The following HMCN1 variants were observed in gnomAD, a reference collection of about 807,000 sequenced individuals.
The protein encoded by HMCN1 is hemicentin-1.
Under a neutral mutation model 625.9 loss-of-function variants are expected in HMCN1, and 321 were observed. The observed-to-expected ratio is 0.51, with a 90% CI of 0.47 to 0.56. HMCN1 has a LOEUF of 0.56. HMCN1 is among the 20% of genes least tolerant of loss of function. HMCN1 has a pLI of 0.00. For missense variants in HMCN1, 6,588 were observed against 6,887.3 expected (o/e 0.96, Z 1.54); for synonymous variants, 2,425 against 2,417.6 (o/e 1.00, Z -0.09).
rs770643584 is a variant in HMCN1 at position 185,977,895 on chromosome 1, G to A, written c.2480G>A (p.Arg827Gln). 8.7e-6 allele frequency: 14 copies of A among 1,613,196 alleles called. No homozygotes were observed. Among genetic ancestry groups the A allele is most frequent in the Middle Eastern group, 3.3e-4 (2 of 6,078 alleles). ...QGYPEPTIKW[R>Q]RLDNMPIFSR... ...TATCCAGAACCAACAATCAAATGGC[G>A]AAGATTAGACAACATGCCAATTTTC... The change falls in exon 16 of 107, where the codon CGA becomes CAA. Residue 827 changes from arginine to glutamine, a missense_variant. Around this residue, in one of 3 missense-constraint regions of HMCN1, gnomAD observed 4,628 missense variants for 4,853.1 expected, o/e 0.95. Transcript: ENST00000271588.
intron 13 of HMCN1, among the ~76,000 whole-genome samples, chr1:185,964,729 G>T (rs1347514425): frequency 6.6e-6 from 1 of 152,066 alleles, no homozygotes; most frequent in African/African-American, 2.4e-5. Flanking sequence ...GACTAATTCA[G>T]ACGGAGGAAT....
chr1:186,032,038 C>CA lies in HMCN1; in HGVS notation c.5750-5886dup, dbSNP rs769373105. Among the ~76,000 whole-genome samples the CA allele has an allele frequency of 6.9e-3, 936 of 135,174 alleles. 8 individuals are homozygous for CA. The highest frequency in any genetic ancestry group is 0.018 in the African/African-American group (647 of 36,750). The allele number at this position is 135,174 out of a possible 152,430, so 88.7% of individuals were successfully genotyped here. A position where few individuals can be genotyped will look rare whatever the true frequency, so the allele number is the denominator to read the frequency against. On this transcript the variant is annotated intron_variant, in intron 36 of 106. Transcript: ENST00000271588. ...ATATAAAATTATATAGTATTTGTTACAAAAAAAAAACAAAAATAAATAAAT... is the reference window on the plus strand; with the variant it reads ...ATATAAAATTATATAGTATTTGTTACAAAAAAAAAAACAAAAATAAATAAAT...
intron 64 of HMCN1, 70 bp from the exon 65 acceptor site, chr1:186,093,064 T>C: frequency 6.3e-6 from 10 of 1,599,156 alleles, no homozygotes; most frequent in Non-Finnish European, 7.7e-6. Context: ...CTGATTTTAA[T>C]AGGCTTTCAT....
At chr1:185,865,195 CA>C (rs1278818753) in intron 3 of HMCN1, among the ~76,000 whole-genome samples, 1 of 152,120 alleles carries the variant, frequency 6.6e-6, no homozygotes, top group Non-Finnish European at 1.5e-5. Context: ...TTTTTGAGAC[CA>C]GTAAGTTGGT....
intron 1 of HMCN1, among the ~76,000 whole-genome samples, chr1:185,760,062 G>C (rs573718559): frequency 6.6e-6 from 1 of 152,252 alleles, no homozygotes; most frequent in South Asian, 2.1e-4. Context: ...GTCATGTTTT[G>C]GGGTATGATA....
chr1:186,082,270 G>A (rs1487382147), intron 56 of HMCN1, among the ~76,000 whole-genome samples: 1 of 152,148 alleles, frequency 6.6e-6, no homozygotes, highest in Non-Finnish European at 1.5e-5. Context: ...GAAACAGTAA[G>A]CATTTATTTA....
intron 36 of HMCN1, among the ~76,000 whole-genome samples, chr1:186,035,313 C>T (rs1016828158): frequency 2.6e-5 from 4 of 152,004 alleles, no homozygotes; most frequent in Non-Finnish European, 5.9e-5. Context: ...AGGAACAACT[C>T]CCAGGACAAA....
intron 1 of HMCN1, among the ~76,000 whole-genome samples, chr1:185,768,301 C>T (rs1656001532): frequency 6.6e-6 from 1 of 152,010 alleles, no homozygotes; most frequent in Non-Finnish European, 1.5e-5. Flanking sequence ...TATCTTTTTC[C>T]TCCTCTGTGT....
intron 2 of HMCN1, among the ~76,000 whole-genome samples, chr1:185,846,754 G>A (rs1029685720): frequency 3.3e-5 from 5 of 152,064 alleles, no homozygotes; most frequent in East Asian, 3.9e-4. Context: ...TTTGGCGATC[G>A]GTACCTGCCT....
chr1:185,906,430 C>T (rs981280168), intron 4 of HMCN1, among the ~76,000 whole-genome samples: 13 of 151,756 alleles, frequency 8.6e-5, no homozygotes, highest in African/African-American at 3.1e-4. Flanking sequence ...TAAACCAAAG[C>T]CCACTTATAT....
chr1:186,086,165 C>T (rs1295805546), intron 57 of HMCN1, 81 bp from the exon 58 acceptor site: 2 of 1,256,768 alleles, frequency 1.6e-6, no homozygotes, highest in Non-Finnish European at 2.3e-6. Flanking sequence ...TAGCAGAGTA[C>T]AGTGGTTGGA....
At chr1:185,919,087 A>G (rs1458092446) in intron 6 of HMCN1, among the ~76,000 whole-genome samples, 1 of 151,280 alleles carries the variant, frequency 6.6e-6, no homozygotes, top group East Asian at 1.9e-4. Flanking sequence ...ATATATATAT[A>G]TATAATTTTA....
rs1273911886 is a variant in HMCN1 at position 186,086,799 on chromosome 1, AGATAGATAGATAGAT to A, written c.9047-402_9047-388del. ...GTAGATAGATAGATAGATAGATGAT[AGATAGATAGATAGAT>A]GATAGATAGATAGATAGATAGATAG... On this transcript the variant is annotated intron_variant, in intron 58 of 106. Coordinates refer to ENST00000271588, the MANE Select transcript of HMCN1 (RefSeq NM_031935.3). Among the ~76,000 whole-genome samples, 76 of 24,908 alleles carry A rather than the reference AGATAGATAGATAGAT, an allele frequency of 3.1e-3. No homozygotes were observed. The African/African-American group carries it at 0.044, about 14-fold the overall frequency. 16.3% of individuals were successfully genotyped at this position (24,908 alleles called of 152,430 possible). A position where few individuals can be genotyped will look rare whatever the true frequency, so the allele number is the denominator to read the frequency against.
Position 185,963,789 on chromosome 1 carries a change from T to C in HMCN1, c.1992T>C (p.Gly664=), listed in dbSNP as rs1458665687. 4.4e-6 allele frequency: 7 copies of C among 1,607,458 alleles called. No homozygotes were observed. Among genetic ancestry groups the C allele is most frequent in the Non-Finnish European group, 6.0e-6 (7 of 1,174,354 alleles). Residue 664 remains glycine (G), a synonymous_variant, in exon 13 of 107, where the codon GGT becomes GGC. Coordinates refer to ENST00000271588, the MANE Select transcript of HMCN1 (RefSeq NM_031935.3). ...GSHRYRMTSD[G]TLFIKNAAPK... ...ATAGGTATAGGATGACCTCAGATGG[T>C]ACCTTATTTATCAAAAATGCAGCTC...
At chr1:185,793,969 T>A (rs751907696) in intron 1 of HMCN1, among the ~76,000 whole-genome samples, 2 of 152,214 alleles carry the variant, frequency 1.3e-5, no homozygotes, top group Non-Finnish European at 2.9e-5. Context: ...GATTTAGATA[T>A]GTTATTCCCA....
chr1:186,081,283 A>G lies in HMCN1; in HGVS notation c.8676A>G (p.Ile2892Met). 1 of 1,613,156 alleles carries G rather than the reference A, an allele frequency of 6.2e-7. No individual in the cohort carries two copies. The highest frequency in any genetic ancestry group is 8.5e-7 in the Non-Finnish European group (1 of 1,179,152). The change falls in exon 56 of 107, where the codon ATA becomes ATG. Residue 2892 changes from isoleucine to methionine, a missense_variant. Around this residue, in one of 3 missense-constraint regions of HMCN1, gnomAD observed 4,628 missense variants for 4,853.1 expected, o/e 0.95. Coordinates refer to ENST00000271588, the MANE Select transcript of HMCN1 (RefSeq NM_031935.3). ...TGCTGGTGAACAAGAGTGCACTGAT[A>G]GAGTGTTTATCCAGTGGCAGCCCAG... ...VTVLVNKSALIECLSSGSPAP... is the reference protein window; with the variant it reads ...VTVLVNKSALMECLSSGSPAP...
At chr1:186,103,416 G>T in intron 68 of HMCN1, 56 bp from the exon 69 acceptor site, 2 of 1,439,536 alleles carry the variant, frequency 1.4e-6, no homozygotes, top group South Asian at 2.3e-5. Context: ...TTTTTCTAAC[G>T]AGCAATATTT....
chr1:185,964,757 A>C (rs1327508421), intron 13 of HMCN1, among the ~76,000 whole-genome samples: 1 of 152,074 alleles, frequency 6.6e-6, no homozygotes, highest in Non-Finnish European at 1.5e-5. Flanking sequence ...GATTTCTCAA[A>C]GGAGACAGGA....
At chr1:186,091,375 C>T (rs1402545749) in intron 64 of HMCN1, among the ~76,000 whole-genome samples, 1 of 151,962 alleles carries the variant, frequency 6.6e-6, no homozygotes, top group African/African-American at 2.4e-5. Context: ...TAATTGGCTC[C>T]TTTTGAGAAA....
Sources: allele counts gnomAD v4.1 joint callset (sites outside exome capture counted in the v4.1 genomes callset), GRCh38; gene constraint gnomAD v4.1.1; regional missense constraint gnomAD v4.1.1; transcripts MANE v1.5; gene names NCBI Gene and HGNC (gene_info 2026-07-23, HGNC 2026-07-21).